The following ASAP1 variants were observed in gnomAD, a reference collection of about 807,000 sequenced individuals.
The protein encoded by ASAP1 is arf-GAP with SH3 domain, ANK repeat and PH domain-containing protein 1.
In ASAP1, 43 loss-of-function variants were observed where a neutral mutation model predicts 145.2. The ratio of observed to expected loss-of-function variants is 0.30; its 90% confidence interval spans 0.23 to 0.38. The LOEUF (loss-of-function observed/expected upper bound fraction) is 0.38. ASAP1 is among the 10% of genes least tolerant of loss of function. ASAP1 has a pLI of 1.00. For synonymous variants in ASAP1, 546 were observed against 515.5 expected (o/e 1.06, Z -0.80); for missense variants, 1,018 against 1,355.3 (o/e 0.75, Z 3.91).
At chr8:130,224,517 A>G (rs1468796375) in intron 4 of ASAP1, among the ~76,000 whole-genome samples, 1 of 152,172 alleles carries the variant, frequency 6.6e-6, no homozygotes, top group Non-Finnish European at 1.5e-5. Flanking sequence ...AGTGTATCTC[A>G]GTGAAACCTT....
chr8:130,108,551 C>T (rs2097541318), intron 24 of ASAP1, among the ~76,000 whole-genome samples: 1 of 152,054 alleles, frequency 6.6e-6, no homozygotes, highest in Admixed American at 6.6e-5. Flanking sequence ...GTAATCTTGG[C>T]ACTTTGGGAG....
intron 3 of ASAP1, among the ~76,000 whole-genome samples, chr8:130,242,754 G>A (rs1275690050): frequency 6.6e-6 from 1 of 152,166 alleles, no homozygotes; most frequent in Non-Finnish European, 1.5e-5. Flanking sequence ...TGTCCAATGT[G>A]ATCATGAGTA....
chr8:130,179,243 T>C (rs1294333436), intron 9 of ASAP1, 21 bp downstream of exon 9: 2 of 1,494,728 alleles, frequency 1.3e-6, no homozygotes, highest in Admixed American at 1.7e-5. Flanking sequence ...CTAATAACAA[T>C]GCTTGCAATA....
chr8:130,438,541 G>A (rs1252221084), intron 1 of ASAP1, among the ~76,000 whole-genome samples: 2 of 152,180 alleles, frequency 1.3e-5, no homozygotes, highest in African/African-American at 4.8e-5. Context: ...TGAAGTCAGA[G>A]GACCCAGCTC....
intron 3 of ASAP1, among the ~76,000 whole-genome samples, chr8:130,253,306 T>C (rs1262573942): frequency 6.6e-6 from 1 of 152,190 alleles, no homozygotes; most frequent in African/African-American, 2.4e-5. Context: ...ATTAATCTCA[T>C]AGAGTTATAA....
intron 5 of ASAP1, among the ~76,000 whole-genome samples, chr8:130,190,377 C>G (rs1815056113): frequency 6.6e-6 from 1 of 152,058 alleles, no homozygotes; most frequent in South Asian, 2.1e-4. Flanking sequence ...TATGGATATC[C>G]AATTTTCCCA....
intron 5 of ASAP1, chr8:130,195,043 ATAAT>A (rs888016772): frequency 6.6e-6 from 1 of 152,194 alleles, no homozygotes; most frequent in African/African-American, 2.4e-5. Context: ...AATCCATTAT[ATAAT>A]TATTTCCCAT....
chr8:130,175,552 T>C (rs2136133656), intron 9 of ASAP1, among the ~76,000 whole-genome samples: 1 of 152,290 alleles, frequency 6.6e-6, no homozygotes, highest in Non-Finnish European at 1.5e-5. Flanking sequence ...TTATATATTC[T>C]GGATATCAGA....
chr8:130,060,830 G>T lies in ASAP1; in HGVS notation c.2941C>A (p.Pro981Thr). Residue 981 changes from proline (P) to threonine (T), a missense_variant, in exon 28 of 30, where the codon CCT becomes ACT. By Grantham distance (38) the Pro-to-Thr change is conservative (BLOSUM62 -1). This residue lies in a region of ASAP1 where 139 missense variants were observed against 131.0 expected (regional missense o/e 1.06). Transcript: ENST00000518721. Reference sequence around the variant, plus strand: ...AGGTCCTTCATCTGTGGTTTGGGAGGTAAGTCTGAGAGTTGGGGTTTGGGT... The same window carrying T: ...AGGTCCTTCATCTGTGGTTTGGGAGTTAAGTCTGAGAGTTGGGGTTTGGGT... ...LPPKPQLSDLPPKPQMKDLPP... is the reference protein window; with the variant it reads ...LPPKPQLSDLTPKPQMKDLPP... The T allele has an allele frequency of 4.3e-6, 7 of 1,613,604 alleles. No homozygotes were observed. The highest frequency in any genetic ancestry group is 5.9e-6 in the Non-Finnish European group (7 of 1,179,854).
At chr8:130,317,378 G>A (rs944689319) in intron 3 of ASAP1, among the ~76,000 whole-genome samples, 3 of 152,134 alleles carry the variant, frequency 2.0e-5, no homozygotes, top group East Asian at 1.9e-4. Flanking sequence ...AAACCTCTAC[G>A]ATAAACTGAA....
chr8:130,376,991 G>A (rs143959152), intron 2 of ASAP1, among the ~76,000 whole-genome samples: 3 of 150,206 alleles, frequency 2.0e-5, no homozygotes, highest in Non-Finnish European at 2.9e-5. Context: ...AAAGTTTTGC[G>A]AGAACCACAG....
chr8:130,065,437 G>A (rs1428458749), intron 27 of ASAP1, among the ~76,000 whole-genome samples: 4 of 152,082 alleles, frequency 2.6e-5, no homozygotes, highest in Non-Finnish European at 5.9e-5. Flanking sequence ...CTTCCCCCAG[G>A]GTATAGGGTA....
At chr8:130,361,528 ATTATG>A (rs937748370) in intron 2 of ASAP1, 18 of 680,104 alleles carry the variant, frequency 2.6e-5, no homozygotes, top group Non-Finnish European at 4.7e-5. Context: ...TCATTTGAAG[ATTATG>A]TTATGTATCT....
chr8:130,167,459 G>T, intron 11 of ASAP1, 77 bp downstream of exon 11: 1 of 1,137,728 alleles, frequency 8.8e-7, no homozygotes, highest in South Asian at 1.2e-5. Flanking sequence ...CTGTCTTGCA[G>T]ATCAGGAAAC....
chr8:130,257,114 A>C (rs1412811290), intron 3 of ASAP1, among the ~76,000 whole-genome samples: 1 of 152,118 alleles, frequency 6.6e-6, no homozygotes, highest in Non-Finnish European at 1.5e-5. Context: ...GTAAAGTCAC[A>C]TATTTAGAGG....
chr8:130,296,123 C>G (rs996563316), intron 3 of ASAP1, among the ~76,000 whole-genome samples: 1 of 152,214 alleles, frequency 6.6e-6, no homozygotes, highest in Non-Finnish European at 1.5e-5. Flanking sequence ...CTGCACCTAG[C>G]TCATCACTGT....
chr8:130,117,413 C>T (rs1387732908), intron 20 of ASAP1, among the ~76,000 whole-genome samples: 1 of 152,166 alleles, frequency 6.6e-6, no homozygotes, highest in African/African-American at 2.4e-5. Flanking sequence ...TGTTTTGAGC[C>T]ACTATGCTAT....
intron 28 of ASAP1, 94 bp from the exon 29 acceptor site, chr8:130,058,170 A>C (rs562352759): frequency 7.2e-7 from 1 of 1,397,918 alleles, no homozygotes; most frequent in East Asian, 2.3e-5. Context: ...TTGGCCAGTA[A>C]CTTAACCTCG....
At chr8:130,356,396 A>T (rs1586897399) in intron 3 of ASAP1, among the ~76,000 whole-genome samples, 1 of 152,238 alleles carries the variant, frequency 6.6e-6, no homozygotes, top group East Asian at 1.9e-4. Context: ...ATTAGTACAG[A>T]AAGGGGATGC....
Sources: gnomAD v4.1 joint callset for allele counts (sites outside exome capture counted in the v4.1 genomes callset) on GRCh38, gnomAD v4.1.1 for gene constraint, gnomAD v4.1.1 regional missense constraint, MANE v1.5 for transcripts, NCBI Gene and HGNC (gene_info 2026-07-23, HGNC 2026-07-21) for gene names.